BIN1: variants seen among roughly 807,000 people sequenced by gnomAD.
The protein encoded by BIN1 is bridging integrator 1.
Under a neutral mutation model 82.0 loss-of-function variants are expected in BIN1, and 53 were observed. The observed-to-expected ratio is 0.65, with a 90% CI of 0.52 to 0.81. The LOEUF (loss-of-function observed/expected upper bound fraction) is 0.81. Ranked by LOEUF, BIN1 falls within the 40% of genes least tolerant of loss-of-function variation. The pLI, the probability that BIN1 is intolerant of heterozygous loss-of-function variation, is 0.00. For missense variants in BIN1, 642 were observed against 784.4 expected (o/e 0.82, Z 2.17); for synonymous variants, 302 against 328.0 (o/e 0.92, Z 0.86).
intron 8 of BIN1, 62 bp downstream of exon 8, chr2:127,063,871 G>T: frequency 6.3e-7 from 1 of 1,597,290 alleles, no homozygotes; most frequent in Non-Finnish European, 8.6e-7. Context: ...ACGCAGACTG[G>T]GCACCGCAGC....
chr2:127,103,254 C>G (rs754107), intron 1 of BIN1, among the ~76,000 whole-genome samples: 94,658 of 152,022 alleles, frequency 0.62, 29,975 homozygotes, highest in African/African-American at 0.74. Flanking sequence ...GCAAATATAA[C>G]GCTTGGTGTA....
At chr2:127,056,816 GA>G (rs1391544757) in intron 12 of BIN1, among the ~76,000 whole-genome samples, 1 of 152,238 alleles carries the variant, frequency 6.6e-6, no homozygotes, top group Non-Finnish European at 1.5e-5. Flanking sequence ...CCTCCACCAT[GA>G]AGGACGTAAG....
chr2:127,103,702 C>T (rs1428322625), intron 1 of BIN1, among the ~76,000 whole-genome samples: 1 of 152,212 alleles, frequency 6.6e-6, no homozygotes, highest in African/African-American at 2.4e-5. Context: ...TCTCCCCAGG[C>T]GCCCCATCCC....
At chr2:127,105,921 C>T (rs1173434634) in intron 1 of BIN1, among the ~76,000 whole-genome samples, 1 of 152,266 alleles carries the variant, frequency 6.6e-6, no homozygotes. Context: ...GTGGCGTCAG[C>T]AGCTGGCGTG....
intron 15 of BIN1, among the ~76,000 whole-genome samples, chr2:127,051,613 G>A (rs1682963183): frequency 6.6e-6 from 1 of 152,204 alleles, no homozygotes; most frequent in Admixed American, 6.5e-5. Flanking sequence ...TGACCCGGCA[G>A]GTGGCAGGAT....
At position 127,054,140 on chromosome 2, in the gene BIN1, A is replaced by AAG. The variant is rs1484641665; in HGVS notation, c.1132-129_1132-128insCT. The AAG allele has an allele frequency of 5.2e-6, 4 of 763,066 alleles. No individual in the cohort carries two copies. In the African/African-American group the frequency reaches 6.9e-5, roughly 13 times the overall value. The allele number at this position is 763,066 out of a possible 1,614,324, so 47.3% of individuals were successfully genotyped here. The stretch of plus-strand genomic sequence containing the variant: ...ACACATACACACACCACGCATGCAG[A>AAG]GCAAGCGCACATACACGCACACACG... On this transcript the variant is annotated intron_variant, in intron 12 of 18. Coordinates refer to ENST00000316724, the MANE Select transcript of BIN1 (RefSeq NM_139343.3).
At chr2:127,061,769 G>A (rs2104983739) in intron 10 of BIN1, among the ~76,000 whole-genome samples, 1 of 152,188 alleles carries the variant, frequency 6.6e-6, no homozygotes, top group African/African-American at 2.4e-5. Context: ...ACACCCCGGA[G>A]TCTTTCAGTC....
At chr2:127,056,702 CG>C (rs756826066) in intron 12 of BIN1, among the ~76,000 whole-genome samples, 25 of 152,196 alleles carry the variant, frequency 1.6e-4, no homozygotes, top group Non-Finnish European at 3.5e-4. Flanking sequence ...AGTCAGCTCT[CG>C]GGGAGTGCGG....
chr2:127,086,719 G>C (rs1259111118), intron 1 of BIN1, among the ~76,000 whole-genome samples: 1 of 152,034 alleles, frequency 6.6e-6, no homozygotes, highest in African/African-American at 2.4e-5. Context: ...TGCTGGCCAG[G>C]CTGGTTTCGA....
In BIN1 at chr2:127,063,594, T is replaced by G; in HGVS notation, c.751A>C (p.Asn251His). The change falls in exon 9 of 19, where the codon AAC becomes CAC. Residue 251 changes from asparagine (N) to histidine (H), a missense_variant. Asn to His is a moderately conservative substitution (Grantham distance 68, BLOSUM62 1). Transcript: ENST00000316724. ...TFQSIAGLEE[N>H]FHKEMSKLNQ... ...ACCTTGCTCATCTCCTTGTGGAAGT[T>G]TTCCTCCAGGCCCGCGATGCTCTGG... is the stretch of plus-strand genomic sequence containing the variant. The G allele has an allele frequency of 1.2e-6, 2 of 1,614,010 alleles. No homozygotes were observed. The highest frequency in any genetic ancestry group is 2.2e-5 in the South Asian group (2 of 91,052).
At chr2:127,052,479 C>A in intron 14 of BIN1, 117 bp from the exon 15 acceptor site, 2 of 982,024 alleles carry the variant, frequency 2.0e-6, no homozygotes, top group Non-Finnish European at 3.1e-6. Flanking sequence ...TTGGTGGGGG[C>A]AGGGTGGGTA....
At chr2:127,077,655 G>T (rs1410207284) in intron 1 of BIN1, among the ~76,000 whole-genome samples, 1 of 152,204 alleles carries the variant, frequency 6.6e-6, no homozygotes, top group African/African-American at 2.4e-5. Flanking sequence ...GCAAGGAGCG[G>T]TGGTGGGGCA....
Position 127,051,016 on chromosome 2 carries a change from G to A in BIN1, c.1462-104C>T, listed in dbSNP as rs1573531833. ...GGAGGGGAGAAAGGTGTCTGCGCCTGGTGCCAGACCGGCCCGCCTCCAGCT... is the reference window on the plus strand; with the variant it reads ...GGAGGGGAGAAAGGTGTCTGCGCCTAGTGCCAGACCGGCCCGCCTCCAGCT... On this transcript the variant is annotated intron_variant, in intron 16 of 18. Transcript: ENST00000316724. 5 of 1,497,568 alleles carry A rather than the reference G, an allele frequency of 3.3e-6. No homozygotes were observed. In the Admixed American group the frequency reaches 8.4e-5, roughly 25 times the overall value. 92.8% of individuals were successfully genotyped at this position (1,497,568 alleles called of 1,614,324 possible).
At chr2:127,079,793 T>C (rs1480601752) in intron 1 of BIN1, among the ~76,000 whole-genome samples, 1 of 152,192 alleles carries the variant, frequency 6.6e-6, no homozygotes, top group African/African-American at 2.4e-5. Context: ...CTGCTGCTCA[T>C]CTGAGCTGTG....
chr2:127,054,144 A>T, intron 12 of BIN1, 132 bp from the exon 13 acceptor site: 2 of 746,888 alleles, frequency 2.7e-6, no homozygotes, highest in Non-Finnish European at 4.8e-6. Flanking sequence ...ATGCAGAGCA[A>T]GCGCACATAC....
At chr2:127,054,766 A>G (rs1683424779) in intron 12 of BIN1, 1 of 152,558 alleles carries the variant, frequency 6.6e-6, no homozygotes, top group Non-Finnish European at 1.5e-5. Flanking sequence ...AGGAATAGGC[A>G]TGTGACAGGC....
In BIN1 at chr2:127,048,277, G is replaced by A. The variant is rs1017430028; in HGVS notation, c.*249C>T. On this transcript the variant is annotated 3_prime_UTR_variant, in exon 19 of 19. Transcript: ENST00000316724. ...AGGCACACATGCGGGCACAGGCAGG[G>A]GCGCCAGAAACTCAACTAGAGGACA... 4 of 499,630 alleles carry A rather than the reference G, an allele frequency of 8.0e-6. No homozygotes were observed. Among genetic ancestry groups the A allele is most frequent in the African/African-American group, 7.8e-5 (4 of 51,438 alleles). 30.9% of individuals were successfully genotyped at this position (499,630 alleles called of 1,614,324 possible).
chr2:127,102,643 T>G (rs1680499868), intron 1 of BIN1, among the ~76,000 whole-genome samples: 1 of 152,190 alleles, frequency 6.6e-6, no homozygotes, highest in African/African-American at 2.4e-5. Flanking sequence ...AAGGCTGTAC[T>G]CAGGCCATCC....
intron 1 of BIN1, among the ~76,000 whole-genome samples, chr2:127,103,586 C>A (rs1282216576): frequency 6.6e-6 from 1 of 152,170 alleles, no homozygotes; most frequent in Admixed American, 6.5e-5. Flanking sequence ...GTCAGCCCAG[C>A]GTGGTCAGAG....
Sources: gnomAD v4.1 joint callset for allele counts (sites outside exome capture counted in the v4.1 genomes callset) on GRCh38, gnomAD v4.1.1 for gene constraint, MANE v1.5 for transcripts, NCBI Gene and HGNC (gene_info 2026-07-23, HGNC 2026-07-21) for gene names.